The following CFAP46 variants were observed in gnomAD, a reference collection of about 807,000 sequenced individuals.
CFAP46 encodes the protein cilia- and flagella-associated protein 46.
CFAP46 carries 245 observed loss-of-function variants against 325.7 expected under a neutral mutation model. The observed-to-expected ratio is 0.75, with a 90% CI of 0.68 to 0.84. The LOEUF (loss-of-function observed/expected upper bound fraction) is 0.84, where lower values mean the gene tolerates loss of function less well. Ranked by LOEUF, CFAP46 falls within the 40% of genes least tolerant of loss-of-function variation. The probability of loss-of-function intolerance (pLI) is 0.00; values close to 1 mark genes in which losing one functional copy is unlikely to be tolerated. For missense variants in CFAP46, 3,346 were observed against 3,543.0 expected, an observed-to-expected ratio of 0.94 and a Z score of 1.41; for synonymous variants, 1,523 against 1,495.9, an observed-to-expected ratio of 1.02 and a Z score of -0.42.
chr10:132,867,505 C>T lies in CFAP46; in HGVS notation c.4613G>A (p.Cys1538Tyr). Residue 1538 changes from cysteine (C) to tyrosine (Y), a missense_variant and splice_region_variant, in exon 34 of 58, where the codon TGC (cysteine) becomes TAC (tyrosine). Cys to Tyr is a radical substitution (Grantham distance 194). Coordinates refer to ENST00000368586, the MANE Select transcript of CFAP46 (RefSeq NM_001200049.3). ...VCVSELEQASCRKEIALKKEK... is the reference protein window; with the variant it reads ...VCVSELEQASYRKEIALKKEK... ...TTTTTTCAACGCGATCTCTTTTCTG[C>T]AGCTAATGCGAGGAAAACAGACAAT... The T allele has an allele frequency of 6.5e-7, 1 of 1,549,738 alleles. No homozygotes were observed. The highest frequency in any genetic ancestry group is 8.7e-7 in the Non-Finnish European group (1 of 1,146,868).
rs1849025419 is a variant in CFAP46 at position 132,880,641 on chromosome 10, AGAGGACAGCACTGAGACACGTCAGGGG to A, written c.3799+193_3799+219del. Reference sequence around the variant, plus strand: ...AGGCTGAGTCCCTCAGGGCCCCTGCAGAGGACAGCACTGAGACACGTCAGGGGCCCCTGCAGAGGACAGCACTGAGAC... The same window carrying A: ...AGGCTGAGTCCCTCAGGGCCCCTGCACCCCTGCAGAGGACAGCACTGAGAC... On this transcript the variant is annotated intron_variant, in intron 28 of 57. Transcript: ENST00000368586. 8.6e-5 allele frequency among the ~76,000 whole-genome samples: 5 copies of A among 57,912 alleles called. No homozygotes were observed. In the Admixed American group the frequency reaches 1.1e-3, roughly 12 times the overall value. 38.0% of individuals were successfully genotyped at this position (57,912 alleles called of 152,430 possible). A position where few individuals can be genotyped will look rare whatever the true frequency, so the allele number is the denominator to read the frequency against.
At position 132,819,589 on chromosome 10, in the gene CFAP46, C is replaced by T. The variant is rs114118748; in HGVS notation, c.7118-4675G>A. Among the ~76,000 whole-genome samples, 908 of 152,332 alleles carry T rather than the reference C, an allele frequency of 6.0e-3. 8 individuals are homozygous for T. The highest frequency in any genetic ancestry group is 0.02 in the African/African-American group (835 of 41,566). On this transcript the variant is annotated intron_variant, in intron 50 of 57. Transcript: ENST00000368586. ...TGGAGAATCCAGAAATAAACCCACA[C>T]GTTCAGGGTCAATTGATATTTGACA...
intron 35 of CFAP46, among the ~76,000 whole-genome samples, chr10:132,864,160 C>A (rs1848768057): frequency 2.1e-5 from 3 of 144,448 alleles, no homozygotes; most frequent in African/African-American, 5.2e-5. Flanking sequence ...GAGACCTGCA[C>A]ACACCTGTCC....
intron 24 of CFAP46, chr10:132,898,570 C>CCCCTG (rs1849348167): frequency 5.9e-6 from 2 of 338,964 alleles, no homozygotes; most frequent in African/African-American, 2.1e-5. Context: ...CAGCCCCCGC[C>CCCCTG]CCCTGCCCTG....
Position 132,808,697 on chromosome 10 carries a change from C to T in CFAP46, c.7872G>A (p.Pro2624=), listed in dbSNP as rs756511609. 15 of 1,570,092 alleles carry T rather than the reference C, an allele frequency of 9.6e-6. No homozygotes were observed. The highest frequency in any genetic ancestry group is 3.8e-5 in the Admixed American group (2 of 52,546). The change falls in exon 58 of 58, where the codon CCG becomes CCA. Residue 2624 remains proline, a synonymous_variant. Coordinates refer to ENST00000368586, the MANE Select transcript of CFAP46 (RefSeq NM_001200049.3). The surrounding 1 kb of genome is among the most constrained non-coding windows in gnomAD (Gnocchi z 6.8). ...CGAGCTGGGAGCTGGGGATGGGAGCCGGGAGGTGGGGATGGGTTGGCAGAG... is the reference window on the plus strand; with the variant it reads ...CGAGCTGGGAGCTGGGGATGGGAGCTGGGAGGTGGGGATGGGTTGGCAGAG... ...SAPLPTHPHL[P]APIPSSQLAL...
chr10:132,830,440 C>A (rs1848130480), intron 50 of CFAP46, among the ~76,000 whole-genome samples: 2 of 152,276 alleles, frequency 1.3e-5, no homozygotes, highest in South Asian at 2.1e-4. Context: ...CCGCGCCCAG[C>A]CAAGGCTTTT....
At chr10:132,821,009 G>A (rs2134829571) in intron 50 of CFAP46, among the ~76,000 whole-genome samples, 1 of 129,232 alleles carries the variant, frequency 7.7e-6, no homozygotes, top group Non-Finnish European at 1.6e-5. Flanking sequence ...GATGTGTGCT[G>A]TGTGTGCTGT....
intron 10 of CFAP46, among the ~76,000 whole-genome samples, chr10:132,925,411 G>A (rs1305377667): frequency 6.6e-6 from 1 of 152,230 alleles, no homozygotes; most frequent in African/African-American, 2.4e-5. Flanking sequence ...CCCTGGGCTG[G>A]GTGGGGCCTG....
At chr10:132,864,466 G>A (rs1200593598) in intron 35 of CFAP46, among the ~76,000 whole-genome samples, 5 of 97,580 alleles carry the variant, frequency 5.1e-5, no homozygotes, top group Admixed American at 1.3e-4. Flanking sequence ...CTGTCCCCCT[G>A]CCTGAGACCT....
At chr10:132,866,314 TG>T in intron 34 of CFAP46, 143 bp from the exon 35 acceptor site, 1 of 905,426 alleles carries the variant, frequency 1.1e-6, no homozygotes. Context: ...CTAGGCACCA[TG>T]GGCGCCTCGC....
intron 24 of CFAP46, among the ~76,000 whole-genome samples, chr10:132,892,759 A>G (rs1482888344): frequency 6.6e-6 from 1 of 152,172 alleles, no homozygotes; most frequent in East Asian, 1.9e-4. Flanking sequence ...CCGGATTACA[A>G]CCGTCAAACT....
At chr10:132,888,401 G>A (rs112328010) in intron 25 of CFAP46, among the ~76,000 whole-genome samples, 994 of 26,118 alleles carry the variant, frequency 0.038, 95 homozygotes, top group African/African-American at 0.13. Flanking sequence ...CACCCCTGCC[G>A]CCTGCACCCC....
rs201091880 is a variant in CFAP46 at position 132,881,142 on chromosome 10, C to A, written c.3628-110G>T. On this transcript the variant is annotated intron_variant, in intron 27 of 57. Transcript: ENST00000368586. The stretch of plus-strand genomic sequence containing the variant: ...TTCTACAAGAAAAGCTTCATTCTTA[C>A]CCCCACAGTGATCATTTGCAGGCCG... 8.8e-4 allele frequency: 941 copies of A among 1,073,906 alleles called. 10 individuals are homozygous for A. In the Admixed American group the frequency reaches 9.0e-3, roughly 10 times the overall value. The allele number at this position is 1,073,906 out of a possible 1,614,324, so 66.5% of individuals were successfully genotyped here. A position where few individuals can be genotyped will look rare whatever the true frequency, so the allele number is the denominator to read the frequency against.
Position 132,867,464 on chromosome 10 carries a change from G to A in CFAP46, c.4654C>T (p.Pro1552Ser), listed in dbSNP as rs771580334. 6.5e-6 allele frequency: 10 copies of A among 1,550,364 alleles called. No homozygotes were observed. The highest frequency in any genetic ancestry group is 8.7e-6 in the Non-Finnish European group (10 of 1,146,990). ...GCTGGCAGGCTTTCTTCTAATAAAGGCTCCTTATTTTTCTCTTTTTTCAAC... is the reference window on the plus strand; with the variant it reads ...GCTGGCAGGCTTTCTTCTAATAAAGACTCCTTATTTTTCTCTTTTTTCAAC... ...IALKKEKNKE[P>S]LLEESLPALN... Residue 1552 changes from proline (P) to serine (S), a missense_variant, in exon 34 of 58, where the codon CCT (proline) becomes TCT (serine). By Grantham distance (74) the Pro-to-Ser change is moderately conservative. Coordinates refer to ENST00000368586, the MANE Select transcript of CFAP46 (RefSeq NM_001200049.3).
intron 50 of CFAP46, among the ~76,000 whole-genome samples, chr10:132,825,883 A>T (rs1238217935): frequency 1.3e-5 from 2 of 152,178 alleles, no homozygotes; most frequent in Non-Finnish European, 2.9e-5. Context: ...GCACACCAGG[A>T]CATGCAGACA....
In CFAP46 at chr10:132,918,503, T is replaced by C; in HGVS notation, c.1876A>G (p.Arg626Gly). The change falls in exon 16 of 58, where the codon AGG becomes GGG. Residue 626 changes from arginine to glycine, a missense_variant. Physicochemically the swap from Arg to Gly is moderately radical, Grantham distance 125. Coordinates refer to ENST00000368586, the MANE Select transcript of CFAP46 (RefSeq NM_001200049.3). ...CAGGTGTCCTGCACCGAGCCGTCCC[T>C]ACCTCGCTTCTTCTTCCCTGAGAGA... The part of the protein sequence containing the change: ...RLRRGKKKRG[R>G]DGSVQDTWSQ... The C allele has an allele frequency of 6.6e-7, 1 of 1,522,420 alleles. No individual in the cohort carries two copies. Among genetic ancestry groups the C allele is most frequent in the Middle Eastern group, 1.7e-4 (1 of 5,888 alleles). The allele number at this position is 1,522,420 out of a possible 1,614,324, so 94.3% of individuals were successfully genotyped here.
chr10:132,891,977 C>T (rs555116241), intron 25 of CFAP46, among the ~76,000 whole-genome samples: 53 of 152,324 alleles, frequency 3.5e-4, no homozygotes, highest in African/African-American at 1.2e-3. Flanking sequence ...TATAAACCAA[C>T]GACCTTGGGC....
chr10:132,824,343 T>C (rs1380930520), intron 50 of CFAP46, among the ~76,000 whole-genome samples: 1 of 138,136 alleles, frequency 7.2e-6, no homozygotes, highest in African/African-American at 2.8e-5. Flanking sequence ...GTGTGCTGTG[T>C]GCTGTGTGAG....
In CFAP46 at chr10:132,869,012, C is replaced by A. The variant is rs372277162; in HGVS notation, c.4610+262G>T. On this transcript the variant is annotated intron_variant, in intron 33 of 57. Transcript: ENST00000368586. This position sits in a 1 kb window ranked among gnomAD's most constrained non-coding sequence, Gnocchi z 6.2. ...CAAGGGTCCAGGGCCCGGCAGCCAGCCTTTCTGTCCTCCGGGGAGGGGCTC... is the reference window on the plus strand; with the variant it reads ...CAAGGGTCCAGGGCCCGGCAGCCAGACTTTCTGTCCTCCGGGGAGGGGCTC... Among the ~76,000 whole-genome samples, 113 of 152,358 alleles carry A rather than the reference C, an allele frequency of 7.4e-4. 1 individual carries two copies. The highest frequency in any genetic ancestry group is 2.5e-3 in the Admixed American group (39 of 15,308).
Sources: allele counts gnomAD v4.1 joint callset (sites outside exome capture counted in the v4.1 genomes callset), GRCh38; gene constraint gnomAD v4.1.1; non-coding constraint Gnocchi (gnomAD v3.1); transcripts MANE v1.5; gene names NCBI Gene and HGNC (gene_info 2026-07-23, HGNC 2026-07-21).